Variants in MAPK6 observed in about 807,000 individuals in gnomAD.
MAPK6 encodes mitogen-activated protein kinase 6.
In MAPK6, 19 loss-of-function variants were observed where a neutral mutation model predicts 59.3. The ratio of observed to expected loss-of-function variants is 0.32; its 90% CI spans 0.22 to 0.47. MAPK6 has a LOEUF of 0.47. Ranked by LOEUF, MAPK6 falls within the 20% of genes least tolerant of loss-of-function variation. The pLI is 1.00. For synonymous variants in MAPK6, 316 were observed against 290.3 expected (o/e 1.09, Z -0.90); for missense variants, 724 against 847.9 (o/e 0.85, Z 1.81).
chr15:52,016,650 T>C (rs1445588507), upstream of MAPK6, among the ~76,000 whole-genome samples: 1 of 152,188 alleles, frequency 6.6e-6, no homozygotes, highest in Non-Finnish European at 1.5e-5. Context: ...CTTTAGGCTC[T>C]CTTCAAAACT....
At chr15:52,059,217 G>A (rs2032100581) in intron 4 of MAPK6, among the ~76,000 whole-genome samples, 1 of 152,138 alleles carries the variant, frequency 6.6e-6, no homozygotes, top group Non-Finnish European at 1.5e-5. Context: ...TCCATTGCTA[G>A]CTCCCTTGCT....
At chr15:51,979,180 G>A in intron 1 of MAPK6, among the ~76,000 whole-genome samples, 1 of 145,180 alleles carries the variant, frequency 6.9e-6, no homozygotes, top group Non-Finnish European at 1.5e-5. Flanking sequence ...AAGGAAGGAA[G>A]GAAGGAGGGA....
rs1183436485 is a variant in MAPK6, at chr15:52,063,500, TTCCAGCAAACCTCCTCCTCTTCTAGTTG to T, written c.1068-401_1068-374del. Among the ~76,000 whole-genome samples, 5 of 149,568 alleles carry T rather than the reference TTCCAGCAAACCTCCTCCTCTTCTAGTTG, an allele frequency of 3.3e-5. No individual in the cohort carries two copies. In the Admixed American group the frequency reaches 3.4e-4, roughly 10 times the overall value. ...TTTTTGCTATTCATGGTGATGAGTTTTCCAGCAAACCTCCTCCTCTTCTAGTTGCCCTTACTGTAGAGTAAACATTTAG... is the reference window on the plus strand; with the variant it reads ...TTTTTGCTATTCATGGTGATGAGTTTCCCTTACTGTAGAGTAAACATTTAG... On this transcript the variant is annotated intron_variant, in intron 5 of 5. Coordinates refer to ENST00000261845, the MANE Select transcript of MAPK6 (RefSeq NM_002748.4).
At chr15:52,056,758 C>T (rs1400521089) in intron 3 of MAPK6, 1 of 152,218 alleles carries the variant, frequency 6.6e-6, no homozygotes, top group Non-Finnish European at 1.5e-5. Context: ...TCCTTGGGCT[C>T]CCTGCTTCTC....
At chr15:52,025,831 A>G (rs2030751883) in intron 1 of MAPK6, among the ~76,000 whole-genome samples, 1 of 152,208 alleles carries the variant, frequency 6.6e-6, no homozygotes, top group African/African-American at 2.4e-5. Flanking sequence ...GGTTACATGG[A>G]CAGCACAGAT....
intron 2 of MAPK6, among the ~76,000 whole-genome samples, chr15:51,998,258 G>C (rs1483282801): frequency 6.6e-6 from 1 of 151,864 alleles, no homozygotes; most frequent in African/African-American, 2.4e-5. Flanking sequence ...TATTTTCTTA[G>C]TGGTAGCACA....
chr15:51,988,926 G>A (rs991566646), intron 2 of MAPK6, among the ~76,000 whole-genome samples: 22 of 152,118 alleles, frequency 1.4e-4, no homozygotes, highest in African/African-American at 5.3e-4. Context: ...GCACTCCTTG[G>A]CTTGTGGAGT....
intron 2 of MAPK6, among the ~76,000 whole-genome samples, chr15:51,995,154 C>T (rs1186834672): frequency 6.6e-6 from 1 of 152,136 alleles, no homozygotes; most frequent in African/African-American, 2.4e-5. Context: ...GAGGAGGAAG[C>T]AGGCTTAGAC....
intron 1 of MAPK6, among the ~76,000 whole-genome samples, chr15:52,036,401 A>G (rs995306201): frequency 5.3e-5 from 8 of 152,148 alleles, no homozygotes; most frequent in African/African-American, 1.9e-4. Context: ...TTTATTTCTT[A>G]CAGTTCTGGA....
At chr15:52,019,577 GCCCGCTCGGGCCTGGCCGGCGCGTC>G (rs1158279405) in intron 1 of MAPK6, among the ~76,000 whole-genome samples, 4 of 145,706 alleles carry the variant, frequency 2.7e-5, no homozygotes, top group Admixed American at 1.4e-4. Context: ...CCGCCTGCCC[GCCCGCTCGGGCCTGGCCGGCGCGTC>G]CCCGCGCGGG....
intron 1 of MAPK6, among the ~76,000 whole-genome samples, chr15:51,976,700 G>A (rs1323632519): frequency 2.0e-5 from 3 of 151,512 alleles, no homozygotes; most frequent in African/African-American, 4.8e-5. Flanking sequence ...ATCTCAGCAC[G>A]TTGGGAGGCC....
chr15:51,991,144 T>TACACACACAC (rs549438786), intron 2 of MAPK6, among the ~76,000 whole-genome samples: 35 of 104,310 alleles, frequency 3.4e-4, no homozygotes, highest in African/African-American at 1.7e-3. Context: ...GAAATATATA[T>TACACACACAC]ATATACACAC....
chr15:52,051,256 A>G (rs993516072), intron 3 of MAPK6, among the ~76,000 whole-genome samples: 18 of 151,906 alleles, frequency 1.2e-4, no homozygotes, highest in Middle Eastern at 3.2e-3. Flanking sequence ...ATAGGGTTTT[A>G]CCATGTTAGC....
rs71130125 is a variant in MAPK6, at chr15:52,043,742, A to ATTTTTTTT, written c.-631-2061_-631-2054dup. ...TGATATGTTGGACTTAAGTTGTTTGATTTTTTTTTTTTTTTTTTTTTTTTT... is the reference window on the plus strand; with the variant it reads ...TGATATGTTGGACTTAAGTTGTTTGATTTTTTTTTTTTTTTTTTTTTTTTTTTTTTTTT... On this transcript the variant is annotated intron_variant, in intron 1 of 5. Transcript: ENST00000261845. 2.9e-3 allele frequency among the ~76,000 whole-genome samples: 117 copies of ATTTTTTTT among 40,672 alleles called. 12 individuals are homozygous for ATTTTTTTT. Among genetic ancestry groups the ATTTTTTTT allele is most frequent in the Non-Finnish European group, 3.2e-3 (71 of 22,492 alleles). The allele number at this position is 40,672 out of a possible 152,430, so 26.7% of individuals were successfully genotyped here.
intron 1 of MAPK6, among the ~76,000 whole-genome samples, chr15:52,026,171 C>T (rs1053719714): frequency 6.6e-6 from 1 of 152,172 alleles, no homozygotes; most frequent in Non-Finnish European, 1.5e-5. Context: ...ATAGTTTTTG[C>T]CTCTGGCCTA....
At chr15:51,991,494 C>A (rs1297995032) in intron 2 of MAPK6, among the ~76,000 whole-genome samples, 1 of 152,150 alleles carries the variant, frequency 6.6e-6, no homozygotes, top group African/African-American at 2.4e-5. Context: ...AGTATATAAA[C>A]TTTTATTACA....
chr15:52,063,034 T>C (rs2032266503), intron 5 of MAPK6, among the ~76,000 whole-genome samples: 1 of 152,216 alleles, frequency 6.6e-6, no homozygotes, highest in Non-Finnish European at 1.5e-5. Flanking sequence ...CAAACTACTT[T>C]TTTTCTCCAT....
rs1555397232 is a variant in MAPK6, at chr15:52,023,125, A to AAAC, written c.-632+3751_-632+3752insCAA. Among the ~76,000 whole-genome samples the AAAC allele has an allele frequency of 1.2e-3, 180 of 150,664 alleles. 2 individuals carry two copies. Among genetic ancestry groups the AAAC allele is most frequent in the Non-Finnish European group, 1.8e-3 (123 of 67,650 alleles). ...CCGTCTCAAAAAAAAAAAAAAAAAAAAAACCGAAAAACAAACAAAATAACT... is the reference window on the plus strand; with the variant it reads ...CCGTCTCAAAAAAAAAAAAAAAAAAAAACAAACCGAAAAACAAACAAAATAACT... On this transcript the variant is annotated intron_variant, in intron 1 of 5. Transcript: ENST00000261845.
At chr15:52,038,858 C>T (rs1364171411) in intron 1 of MAPK6, among the ~76,000 whole-genome samples, 1 of 152,166 alleles carries the variant, frequency 6.6e-6, no homozygotes, top group Non-Finnish European at 1.5e-5. Flanking sequence ...AATAACATCT[C>T]TCCCATTCTG....
Sources: gnomAD v4.1 joint callset for allele counts (sites outside exome capture counted in the v4.1 genomes callset) on GRCh38, gnomAD v4.1.1 for gene constraint, MANE v1.5 for transcripts, NCBI Gene and HGNC (gene_info 2026-07-23, HGNC 2026-07-21) for gene names.